EPHA6: variants seen among roughly 807,000 people sequenced by gnomAD.
EPHA6 encodes EPH receptor A6, also known as ephrin type-A receptor 6.
Under a neutral mutation model 112.0 loss-of-function variants are expected in EPHA6, and 50 were observed. That is an observed-to-expected ratio of 0.45 (90% CI 0.36 to 0.56). The LOEUF is 0.56. Ranked by LOEUF, EPHA6 falls within the 20% of genes least tolerant of loss-of-function variation. The pLI is 0.00. For synonymous variants in EPHA6, 529 were observed against 490.7 expected (o/e 1.08, Z -1.03); for missense variants, 1,280 against 1,417.4 (o/e 0.90, Z 1.56).
intron 14 of EPHA6, among the ~76,000 whole-genome samples, chr3:97,678,565 C>A (rs1333761342): frequency 6.6e-6 from 1 of 152,058 alleles, no homozygotes; most frequent in African/African-American, 2.4e-5. Flanking sequence ...CCTTCTTCAC[C>A]CCTGCTGTGA....
In EPHA6 at chr3:96,814,927, G is replaced by A. The variant is rs931005774; in HGVS notation, c.304G>A (p.Glu102Lys). The change falls in exon 1 of 18, where the codon GAA becomes AAA. Residue 102 changes from glutamate to lysine, a missense_variant. Around this residue, in one of 4 missense-constraint regions of EPHA6, gnomAD observed 220 missense variants for 171.5 expected, o/e 1.28. Coordinates refer to ENST00000389672, the MANE Select transcript of EPHA6 (RefSeq NM_001080448.3). ...AACCATGGGGGGCTGCGAAGTCCGG[G>A]AATTTCTTTTGCAATTTGGTTTCTT... is the stretch of plus-strand genomic sequence containing the variant. ...RRTMGGCEVR[E>K]FLLQFGFFLP... is the part of the protein sequence containing the mutation. 6 of 1,551,668 alleles carry A rather than the reference G, an allele frequency of 3.9e-6. No homozygotes were observed. The highest frequency in any genetic ancestry group is 2.0e-5 in the Admixed American group (1 of 50,960).
At chr3:97,608,760 C>T (rs911068454) in intron 12 of EPHA6, among the ~76,000 whole-genome samples, 2 of 151,128 alleles carry the variant, frequency 1.3e-5, no homozygotes, top group East Asian at 1.9e-4. Flanking sequence ...CTGGTAAAGC[C>T]GTGGATACAA....
chr3:97,624,244 G>A (rs1047132118), intron 13 of EPHA6, among the ~76,000 whole-genome samples: 8 of 151,544 alleles, frequency 5.3e-5, no homozygotes, highest in African/African-American at 9.7e-5. Flanking sequence ...TGTTTTTATC[G>A]TGAAACTGTG....
intron 10 of EPHA6, among the ~76,000 whole-genome samples, chr3:97,493,507 C>A (rs1167055041): frequency 6.6e-6 from 1 of 152,000 alleles, no homozygotes. Context: ...AGATTAGGGT[C>A]CCGCTCTGAA....
intron 3 of EPHA6, among the ~76,000 whole-genome samples, chr3:97,182,233 G>A (rs922932417): frequency 6.6e-6 from 1 of 151,398 alleles, no homozygotes; most frequent in Non-Finnish European, 1.5e-5. Flanking sequence ...TTTGTTCTCA[G>A]AAAACAATAA....
intron 2 of EPHA6, among the ~76,000 whole-genome samples, chr3:96,888,447 T>C (rs2037762752): frequency 6.6e-6 from 1 of 151,948 alleles, no homozygotes; most frequent in Non-Finnish European, 1.5e-5. Flanking sequence ...GCAGTCTGCT[T>C]CCCTCAGAGG....
chr3:96,941,377 C>G (rs2040934771), intron 2 of EPHA6, among the ~76,000 whole-genome samples: 3 of 152,318 alleles, frequency 2.0e-5, no homozygotes, highest in African/African-American at 7.2e-5. Context: ...ACCCTTTCTT[C>G]CAGTTGATCG....
intron 13 of EPHA6, among the ~76,000 whole-genome samples, chr3:97,625,832 T>C (rs567658035): frequency 6.6e-6 from 1 of 151,510 alleles, no homozygotes; most frequent in Non-Finnish European, 1.5e-5. Flanking sequence ...TTTAAGGAGA[T>C]GAAAAGGTAC....
At chr3:97,730,836 A>G (rs2035001318) in intron 15 of EPHA6, among the ~76,000 whole-genome samples, 1 of 152,156 alleles carries the variant, frequency 6.6e-6, no homozygotes, top group Admixed American at 6.5e-5. Context: ...CACGTGGAAC[A>G]AAGAAACAGT....
At chr3:97,177,908 G>A (rs1405663943) in intron 3 of EPHA6, among the ~76,000 whole-genome samples, 1 of 151,876 alleles carries the variant, frequency 6.6e-6, no homozygotes, top group Non-Finnish European at 1.5e-5. Context: ...CATTTAGCCA[G>A]TCTGCATCTT....
At chr3:96,989,334 G>C (rs914053396) in intron 3 of EPHA6, among the ~76,000 whole-genome samples, 2 of 151,962 alleles carry the variant, frequency 1.3e-5, no homozygotes, top group East Asian at 1.9e-4. Flanking sequence ...ATGAGAAGTC[G>C]GTAGTATATA....
chr3:96,973,362 C>A (rs2042389660), intron 2 of EPHA6, among the ~76,000 whole-genome samples: 1 of 152,036 alleles, frequency 6.6e-6, no homozygotes, highest in Admixed American at 6.6e-5. Context: ...ACTTCTTACC[C>A]TTTTTAAAAC....
intron 1 of EPHA6, among the ~76,000 whole-genome samples, chr3:96,855,571 C>G (rs867008936): frequency 3.3e-4 from 50 of 151,384 alleles, no homozygotes; most frequent in Middle Eastern, 3.4e-3. Context: ...GAGAGGCCTC[C>G]GAATTGTATC....
At chr3:97,646,116 C>G in intron 14 of EPHA6, 3 of 1,522,578 alleles carry the variant, frequency 2.0e-6, no homozygotes, top group Non-Finnish European at 1.8e-6. Flanking sequence ...TTTGCCAATT[C>G]AGAGACCCAC....
chr3:97,443,068 A>G (rs143981195), intron 6 of EPHA6, among the ~76,000 whole-genome samples: 3 of 152,230 alleles, frequency 2.0e-5, no homozygotes, highest in East Asian at 1.9e-4. Context: ...ATAATAAATC[A>G]TGTTCTAAAT....
chr3:97,210,594 G>A (rs550847044), intron 3 of EPHA6, among the ~76,000 whole-genome samples: 8 of 152,174 alleles, frequency 5.3e-5, no homozygotes, highest in African/African-American at 1.9e-4. Context: ...AAATAAGCAT[G>A]GTGTTCCAAA....
intron 6 of EPHA6, among the ~76,000 whole-genome samples, chr3:97,433,625 AAAG>A (rs1265452103): frequency 2.6e-5 from 4 of 152,164 alleles, no homozygotes; most frequent in African/African-American, 9.7e-5. Context: ...CCTTGCAGGG[AAAG>A]AAGGAGGAAA....
At chr3:97,020,359 G>T (rs2044413494) in intron 3 of EPHA6, among the ~76,000 whole-genome samples, 2 of 152,136 alleles carry the variant, frequency 1.3e-5, no homozygotes, top group South Asian at 4.1e-4. Flanking sequence ...CACAGATCAG[G>T]TCATTATAGC....
At chr3:97,338,811 G>T (rs888184286) in intron 5 of EPHA6, among the ~76,000 whole-genome samples, 1 of 152,072 alleles carries the variant, frequency 6.6e-6, no homozygotes, top group South Asian at 2.1e-4. Context: ...ATGCCAAAAG[G>T]GTGAACAAGA....
Sources: gnomAD v4.1 joint callset for allele counts (sites outside exome capture counted in the v4.1 genomes callset) on GRCh38, gnomAD v4.1.1 for gene constraint, gnomAD v4.1.1 regional missense constraint, MANE v1.5 for transcripts, NCBI Gene and HGNC (gene_info 2026-07-23, HGNC 2026-07-21) for gene names.